Variants in PLXDC2 observed in about 807,000 individuals in gnomAD.
The protein encoded by PLXDC2 is plexin domain containing 2.
A neutral mutation model predicts 68.9 loss-of-function variants in PLXDC2; 40 were observed. The observed-to-expected ratio is 0.58, with a 90% CI of 0.45 to 0.76. The LOEUF (loss-of-function observed/expected upper bound fraction) is 0.76, where lower values mean the gene tolerates loss of function less well. Ranked by LOEUF, PLXDC2 falls within the 30% of genes least tolerant of loss-of-function variation. The probability of loss-of-function intolerance (pLI) is 0.00; values close to 1 mark genes in which losing one functional copy is unlikely to be tolerated. For synonymous variants in PLXDC2, 243 were observed against 234.2 expected, an observed-to-expected ratio of 1.04 and a Z score of -0.34; for missense variants, 644 against 661.9, an observed-to-expected ratio of 0.97 and a Z score of 0.30.
At chr10:20,100,918 T>C (rs892582836) in intron 4 of PLXDC2, among the ~76,000 whole-genome samples, 6 of 152,098 alleles carry the variant, frequency 3.9e-5, no homozygotes, top group Non-Finnish European at 7.4e-5. Context: ...ACGTTGTGAA[T>C]TGTGTTGGCA....
intron 3 of PLXDC2, among the ~76,000 whole-genome samples, chr10:20,056,424 C>T (rs1286806659): frequency 2.0e-5 from 3 of 152,158 alleles, no homozygotes; most frequent in African/African-American, 4.8e-5. Flanking sequence ...CCTGTCCTGC[C>T]GATGGCACTC....
At chr10:20,247,702 T>A (rs1382360745) in intron 13 of PLXDC2, among the ~76,000 whole-genome samples, 1 of 152,206 alleles carries the variant, frequency 6.6e-6, no homozygotes, top group Non-Finnish European at 1.5e-5. Flanking sequence ...CATGATTTAT[T>A]CTGCCCTGCA....
intron 2 of PLXDC2, among the ~76,000 whole-genome samples, chr10:20,026,237 T>A (rs888006626): frequency 3.9e-5 from 6 of 152,132 alleles, no homozygotes; most frequent in African/African-American, 1.4e-4. Flanking sequence ...GTTTTTTTTT[T>A]ATATTGCTGG....
intron 2 of PLXDC2, among the ~76,000 whole-genome samples, chr10:20,016,908 AG>A (rs1835222012): frequency 6.6e-6 from 1 of 152,194 alleles, no homozygotes; most frequent in African/African-American, 2.4e-5. Context: ...AAAGACAATG[AG>A]GGGGCTTACA....
chr10:19,945,371 T>C (rs146975307), intron 1 of PLXDC2, among the ~76,000 whole-genome samples: 210 of 152,312 alleles, frequency 1.4e-3, no homozygotes, highest in Non-Finnish European at 2.2e-3. Context: ...GACGTGCTTG[T>C]AGCAGACCAA....
At chr10:19,964,824 AG>A (rs373878864) in intron 1 of PLXDC2, among the ~76,000 whole-genome samples, 128 of 151,904 alleles carry the variant, frequency 8.4e-4, no homozygotes, top group Non-Finnish European at 1.6e-3. Context: ...ATGCCTCCAT[AG>A]GGGGCAACTC....
intron 1 of PLXDC2, among the ~76,000 whole-genome samples, chr10:19,828,177 C>G (rs1415996158): frequency 6.6e-6 from 1 of 152,168 alleles, no homozygotes; most frequent in Non-Finnish European, 1.5e-5. Flanking sequence ...ACGCTCCAAT[C>G]AAGACTTTGT....
chr10:20,177,118 T>G (rs748203410), intron 8 of PLXDC2, 24 bp downstream of exon 8: 1 of 1,531,316 alleles, frequency 6.5e-7, no homozygotes, highest in South Asian at 1.1e-5. Context: ...TAAACCTAGG[T>G]GGAAAACATG....
chr10:20,193,266 T>A (rs922418660), intron 9 of PLXDC2, among the ~76,000 whole-genome samples: 3 of 152,070 alleles, frequency 2.0e-5, no homozygotes, highest in Non-Finnish European at 4.4e-5. Flanking sequence ...AGTACAAGTT[T>A]GCCAGATAAA....
intron 1 of PLXDC2, among the ~76,000 whole-genome samples, chr10:19,880,509 T>C (rs1837708347): frequency 6.6e-6 from 1 of 152,376 alleles, no homozygotes; most frequent in Non-Finnish European, 1.5e-5. Flanking sequence ...TCTCTCAAGA[T>C]ATTTTATTGT....
chr10:19,841,802 T>C (rs546977723), intron 1 of PLXDC2, among the ~76,000 whole-genome samples: 1 of 152,336 alleles, frequency 6.6e-6, no homozygotes, highest in South Asian at 2.1e-4. Flanking sequence ...TGCTCATTTA[T>C]ATCTAATGTG....
At chr10:20,188,123 A>AATAT (rs1432353808) in intron 9 of PLXDC2, among the ~76,000 whole-genome samples, 3 of 151,664 alleles carry the variant, frequency 2.0e-5, no homozygotes, top group African/African-American at 7.2e-5. Context: ...AATGTTATTA[A>AATAT]ATATATACTA....
intron 6 of PLXDC2, among the ~76,000 whole-genome samples, chr10:20,151,249 A>G (rs1272152949): frequency 6.6e-6 from 1 of 152,184 alleles, no homozygotes; most frequent in African/African-American, 2.4e-5. Flanking sequence ...AAATATTCCT[A>G]ATCACATGAT....
intron 4 of PLXDC2, among the ~76,000 whole-genome samples, chr10:20,127,467 G>T (rs375205227): frequency 6.6e-6 from 1 of 152,126 alleles, no homozygotes; most frequent in Non-Finnish European, 1.5e-5. Flanking sequence ...GGATCTGAAA[G>T]GGATATTCTC....
intron 9 of PLXDC2, among the ~76,000 whole-genome samples, chr10:20,196,180 G>T: frequency 6.6e-6 from 1 of 151,996 alleles, no homozygotes; most frequent in Non-Finnish European, 1.5e-5. Context: ...TCTCAACTCC[G>T]TCCTACCAAG....
intron 13 of PLXDC2, among the ~76,000 whole-genome samples, chr10:20,268,384 A>G (rs1011004645): frequency 2.0e-5 from 3 of 152,192 alleles, no homozygotes; most frequent in Admixed American, 6.5e-5. Flanking sequence ...TAAAACTTTT[A>G]ATTTTATTTC....
chr10:19,831,991 C>T (rs1314594674), intron 1 of PLXDC2, among the ~76,000 whole-genome samples: 2 of 152,122 alleles, frequency 1.3e-5, no homozygotes, highest in African/African-American at 2.4e-5. Context: ...GATGACATAT[C>T]ATAGTTTTTG....
At chr10:19,876,080 T>A (rs1837625036) in intron 1 of PLXDC2, among the ~76,000 whole-genome samples, 1 of 152,192 alleles carries the variant, frequency 6.6e-6, no homozygotes. Context: ...AAACACTGGT[T>A]CCTAGTTTAT....
chr10:20,166,602 C>A (rs530651506), intron 7 of PLXDC2, among the ~76,000 whole-genome samples: 2 of 151,998 alleles, frequency 1.3e-5, no homozygotes, highest in East Asian at 3.9e-4. Context: ...GAAACACTAG[C>A]TTTAATTTAT....
Sources: gnomAD v4.1 joint callset for allele counts (sites outside exome capture counted in the v4.1 genomes callset) on GRCh38, gnomAD v4.1.1 for gene constraint, MANE v1.5 for transcripts, NCBI Gene and HGNC (gene_info 2026-07-23, HGNC 2026-07-21) for gene names.